The following CRMP1 variants were observed in gnomAD, a reference collection of about 807,000 sequenced individuals.
CRMP1 encodes dihydropyrimidinase-related protein 1.
A neutral mutation model predicts 68.3 loss-of-function variants in CRMP1; 19 were observed. The ratio of observed to expected loss-of-function variants is 0.28; its 90% CI spans 0.19 to 0.41. CRMP1 has a LOEUF of 0.41. Ranked by LOEUF, CRMP1 falls within the 10% of genes least tolerant of loss-of-function variation. CRMP1 has a pLI of 1.00. For missense variants in CRMP1, 791 were observed against 967.4 expected (o/e 0.82, Z 2.42); for synonymous variants, 439 against 399.6 (o/e 1.10, Z -1.18).
rs952952663 is a variant in CRMP1, at chr4:5,872,928, C to T, written c.382-6172G>A. On this transcript the variant is annotated intron_variant, in intron 1 of 13. Coordinates refer to ENST00000324989, the MANE Select transcript of CRMP1 (RefSeq NM_001014809.3). This position sits in a 1 kb window ranked among gnomAD's most constrained non-coding sequence, Gnocchi z 4.6. ...TTCACTTATTATCCATGTGACTTAC[C>T]GAGCCTCAGTTTCCTTGTCTATGAG... 6.6e-6 allele frequency among the ~76,000 whole-genome samples: 1 copy of T among 152,178 alleles called. No homozygotes were observed. The highest frequency in any genetic ancestry group is 6.5e-5 in the Admixed American group (1 of 15,290).
chr4:5,893,020 C>T lies in CRMP1; in HGVS notation c.-51G>A. The T allele has an allele frequency of 1.8e-6, 2 of 1,104,524 alleles. No individual in the cohort carries two copies. The highest frequency in any genetic ancestry group is 4.7e-5 in the East Asian group (1 of 21,344). 68.4% of individuals were successfully genotyped at this position (1,104,524 alleles called of 1,614,324 possible). ...GCGCTCCCGCCTGCCCGCCCGCGGC[C>T]CTGGGCACCGCCGTGCGCCGCGCTC... is the stretch of plus-strand genomic sequence containing the variant. On this transcript the variant is annotated 5_prime_UTR_variant, in exon 1 of 14. Transcript: ENST00000324989.
chr4:5,862,047 A>G (rs940431884), intron 2 of CRMP1, among the ~76,000 whole-genome samples: 1 of 152,166 alleles, frequency 6.6e-6, no homozygotes, highest in Non-Finnish European at 1.5e-5. Context: ...TGGGCCAGCA[A>G]GCAGGTCCCA....
rs1715906442 is a variant in CRMP1, at chr4:5,890,781, G to C, written c.381+1808C>G. ...GGGGCTGGCCCAGGCTGCGCCCTGG[G>C]GGAGATGCTGGCGTTGGTGACATTG... is the stretch of plus-strand genomic sequence containing the variant. On this transcript the variant is annotated intron_variant, in intron 1 of 13. Transcript: ENST00000324989. This position sits in a 1 kb window ranked among gnomAD's most constrained non-coding sequence, Gnocchi z 5.5. Among the ~76,000 whole-genome samples, 1 of 152,160 alleles carries C rather than the reference G, an allele frequency of 6.6e-6. No individual in the cohort carries two copies. The highest frequency in any genetic ancestry group is 2.1e-4 in the South Asian group (1 of 4,832).
intron 11 of CRMP1, among the ~76,000 whole-genome samples, chr4:5,829,211 C>CAAAAT (rs1720158741): frequency 1.3e-5 from 2 of 152,054 alleles, no homozygotes; most frequent in Non-Finnish European, 2.9e-5. Flanking sequence ...ATTTGAAAGA[C>CAAAAT]AAAATAACAT....
chr4:5,886,599 A>G (rs1024806066), intron 1 of CRMP1, among the ~76,000 whole-genome samples: 7 of 152,192 alleles, frequency 4.6e-5, no homozygotes, highest in Non-Finnish European at 8.8e-5. Context: ...AGGCCATCCT[A>G]TTAAGTTTCC....
rs988479433 is a variant in CRMP1 at position 5,838,886 on chromosome 4, C to A, written c.1310+636G>T. ...CCTCCAGAAAGCCTTCTGCAAGCCT[C>A]CCGGTGGGTTCTGAGCATGCGTCTC... On this transcript the variant is annotated intron_variant, in intron 9 of 13. Transcript: ENST00000324989. The surrounding 1 kb of genome is among the most constrained non-coding windows in gnomAD (Gnocchi z 4.9). Among the ~76,000 whole-genome samples, 2 of 152,334 alleles carry A rather than the reference C, an allele frequency of 1.3e-5. No individual in the cohort carries two copies. The highest frequency in any genetic ancestry group is 2.1e-4 in the South Asian group (1 of 4,828).
chr4:5,847,301 GGAT>G (rs1264808617), intron 6 of CRMP1, among the ~76,000 whole-genome samples: 1 of 152,128 alleles, frequency 6.6e-6, no homozygotes, highest in African/African-American at 2.4e-5. Context: ...GACCTGGTTT[GGAT>G]GATGAGATTC....
rs185826425 is a variant in CRMP1, at chr4:5,841,420, G to C, written c.1041C>G (p.Ala347=). The C allele has an allele frequency of 6.2e-7, 1 of 1,614,116 alleles. No homozygotes were observed. The highest frequency in any genetic ancestry group is 8.5e-7 in the Non-Finnish European group (1 of 1,180,026). Reference sequence around the variant, plus strand: ...TGGTGATGGCCCGGAACACCGCCTCGGCCTCCAGCTGAACACGGCACACAC... The same window carrying C: ...TGGTGATGGCCCGGAACACCGCCTCCGCCTCCAGCTGAACACGGCACACAC... The part of the protein sequence containing the change: ...HALSRPEELE[A]EAVFRAITIA... Residue 347 remains alanine (A), a synonymous_variant, in exon 8 of 14, where the codon GCC becomes GCG. Transcript: ENST00000324989. This position sits in a 1 kb window ranked among gnomAD's most constrained non-coding sequence, Gnocchi z 6.9.
chr4:5,861,350 G>T lies in CRMP1; in HGVS notation c.471-140C>A. On this transcript the variant is annotated intron_variant, in intron 2 of 13. Transcript: ENST00000324989. This position sits in a 1 kb window ranked among gnomAD's most constrained non-coding sequence, Gnocchi z 6.0. The stretch of plus-strand genomic sequence containing the variant: ...CCCTGGGGAGACAGAGATAACTCAG[G>T]CAGGGCACATGCCCTCAAGGGGCTC... The T allele has an allele frequency of 1.2e-6, 1 of 820,602 alleles. No individual in the cohort carries two copies. Among genetic ancestry groups the T allele is most frequent in the Non-Finnish European group, 1.9e-6 (1 of 523,020 alleles). 50.8% of individuals were successfully genotyped at this position (820,602 alleles called of 1,614,324 possible).
In CRMP1 at chr4:5,836,857, G is replaced by C; in HGVS notation, c.1360C>G (p.Gln454Glu). Residue 454 changes from glutamine (Q) to glutamate (E), a missense_variant, in exon 10 of 14, where the codon CAG becomes GAG. By Grantham distance (29) the Gln-to-Glu change is conservative (BLOSUM62 2). Transcript: ENST00000324989. The stretch of plus-strand genomic sequence containing the variant: ...AAGTTGTCCTTGCCCACCGCCTTCT[G>C]GGCAGTGCTGTAGGGACAGTGGCCG... ...GSGHCPYSTA[Q>E]KAVGKDNFTL... 6.2e-7 allele frequency: 1 copy of C among 1,614,124 alleles called. No individual in the cohort carries two copies. The highest frequency in any genetic ancestry group is 8.5e-7 in the Non-Finnish European group (1 of 1,179,994).
chr4:5,872,328 C>CA lies in CRMP1; in HGVS notation c.382-5573dup, dbSNP rs1241450076. Among the ~76,000 whole-genome samples the CA allele has an allele frequency of 2.0e-5, 3 of 152,142 alleles. No homozygotes were observed. The highest frequency in any genetic ancestry group is 7.2e-5 in the African/African-American group (3 of 41,432). On this transcript the variant is annotated intron_variant, in intron 1 of 13. Transcript: ENST00000324989. This position sits in a 1 kb window ranked among gnomAD's most constrained non-coding sequence, Gnocchi z 4.6. ...AATACCGGTGCCGTCTATTGCCTCT[C>CA]ACGGGGTTACTGTGAGGGGAAAACA...
At position 5,850,608 on chromosome 4, in the gene CRMP1, T is replaced by C. The variant is rs1712551985; in HGVS notation, c.882+800A>G. Among the ~76,000 whole-genome samples the C allele has an allele frequency of 6.6e-6, 1 of 152,186 alleles. No individual in the cohort carries two copies. The highest frequency in any genetic ancestry group is 2.1e-4 in the South Asian group (1 of 4,826). ...TCTGCTAGGCACCATCCTAGCACTT[T>C]ACTCTTCTTATGAAATCATTCAACT... On this transcript the variant is annotated intron_variant, in intron 5 of 13. Coordinates refer to ENST00000324989, the MANE Select transcript of CRMP1 (RefSeq NM_001014809.3). The surrounding 1 kb of genome is among the most constrained non-coding windows in gnomAD (Gnocchi z 4.4).
chr4:5,857,995 T>G (rs1001356129), intron 3 of CRMP1, among the ~76,000 whole-genome samples: 1 of 152,088 alleles, frequency 6.6e-6, no homozygotes, highest in African/African-American at 2.4e-5. Context: ...CTCCTCCCAC[T>G]CACACCTCCA....
chr4:5,824,334 A>G, intron 13 of CRMP1: 1 of 985,432 alleles, frequency 1.0e-6, no homozygotes, highest in Non-Finnish European at 1.2e-6. Context: ...AATATGAAAC[A>G]CTGGAAGCTC....
At chr4:5,851,635 C>T (rs1404826871) in intron 4 of CRMP1, among the ~76,000 whole-genome samples, 166 bp from the exon 5 acceptor site, 1 of 151,792 alleles carries the variant, frequency 6.6e-6, no homozygotes, top group Non-Finnish European at 1.5e-5. Context: ...GGGCGAAGGT[C>T]AAAGGAAGCT....
chr4:5,845,573 C>G (rs963516023), intron 6 of CRMP1, among the ~76,000 whole-genome samples: 1 of 152,230 alleles, frequency 6.6e-6, no homozygotes, highest in African/African-American at 2.4e-5. Flanking sequence ...CTGCCACTCA[C>G]TATGGCCTGT....
intron 1 of CRMP1, among the ~76,000 whole-genome samples, chr4:5,884,984 TAAA>T (rs33952240): frequency 2.1e-5 from 3 of 140,774 alleles, no homozygotes; most frequent in Admixed American, 7.1e-5. Context: ...TGCCATTCAT[TAAA>T]AAAAAAAAAA....
chr4:5,831,227 A>G (rs1048777188), intron 11 of CRMP1, among the ~76,000 whole-genome samples: 1 of 152,178 alleles, frequency 6.6e-6, no homozygotes, highest in African/African-American at 2.4e-5. Flanking sequence ...GTTTACAGGC[A>G]TGAACCACCA....
At chr4:5,856,044 G>T in intron 4 of CRMP1, 99 bp downstream of exon 4, 2 of 1,426,170 alleles carry the variant, frequency 1.4e-6, no homozygotes, top group Non-Finnish European at 9.7e-7. Context: ...ATCAGGCTCA[G>T]AACAGATGCA....
Sources: allele counts gnomAD v4.1 joint callset (sites outside exome capture counted in the v4.1 genomes callset), GRCh38; gene constraint gnomAD v4.1.1; non-coding constraint Gnocchi (gnomAD v3.1); transcripts MANE v1.5; gene names NCBI Gene and HGNC (gene_info 2026-07-23, HGNC 2026-07-21).